The following CNOT3 variants were observed in gnomAD, a reference collection of about 807,000 sequenced individuals.
CNOT3 encodes the protein CCR4-associated factor 3.
CNOT3 carries 2 observed loss-of-function variants against 89.4 expected under a neutral mutation model. That is an observed-to-expected ratio of 0.02 (90% CI 0.01 to 0.07). CNOT3 has a LOEUF of 0.07. Ranked by LOEUF, CNOT3 falls within the 10% of genes least tolerant of loss-of-function variation. The pLI is 1.00. For missense variants in CNOT3, 664 were observed against 1,010.2 expected, an observed-to-expected ratio of 0.66 and a Z score of 4.65; for synonymous variants, 486 against 402.0, an observed-to-expected ratio of 1.21 and a Z score of -2.50.
intron 1 of CNOT3, chr19:54,142,104 C>T (rs1384802498): frequency 2.0e-5 from 3 of 152,154 alleles, no homozygotes; most frequent in African/African-American, 7.2e-5. Context: ...GGGATTCCTC[C>T]GTGAGTGCAG....
chr19:54,148,557 T>G lies in CNOT3; in HGVS notation c.1282+22T>G. The stretch of plus-strand genomic sequence containing the variant: ...ACCAGTGAGTGAGGAGGCAGCGGGG[T>G]GGGGGGCGTGGGCGGGGCTGGGCAG... On this transcript the variant is annotated intron_variant, in intron 11 of 17. Coordinates refer to ENST00000221232, the MANE Select transcript of CNOT3 (RefSeq NM_014516.4). The surrounding 1 kb of genome is among the most constrained non-coding windows in gnomAD (Gnocchi z 6.3). The G allele has an allele frequency of 7.7e-7, 1 of 1,296,490 alleles. No individual in the cohort carries two copies. Among genetic ancestry groups the G allele is most frequent in the Non-Finnish European group, 1.1e-6 (1 of 905,340 alleles). 80.3% of individuals were successfully genotyped at this position (1,296,490 alleles called of 1,614,324 possible). A position where few individuals can be genotyped will look rare whatever the true frequency, so the allele number is the denominator to read the frequency against.
chr19:54,148,297 A>G lies in CNOT3; in HGVS notation c.1044A>G (p.Ala348=), dbSNP rs587633280. 6.2e-7 allele frequency: 1 copy of G among 1,607,096 alleles called. No homozygotes were observed. Among genetic ancestry groups the G allele is most frequent in the South Asian group, 1.1e-5 (1 of 90,370 alleles). ...PGNNGVPAPA[A]PPSALGPKAS... ...ACAATGGGGTCCCCGCCCCCGCAGC[A>G]CCCCCAAGTGCCCTGGGCCCCAAGG... Residue 348 remains alanine, a synonymous_variant, in exon 11 of 18, where the codon GCA becomes GCG. Coordinates refer to ENST00000221232, the MANE Select transcript of CNOT3 (RefSeq NM_014516.4). This position sits in a 1 kb window ranked among gnomAD's most constrained non-coding sequence, Gnocchi z 6.3.
intron 13 of CNOT3, among the ~76,000 whole-genome samples, 160 bp from the exon 14 acceptor site, chr19:54,152,066 A>G (rs909198282): frequency 6.6e-6 from 1 of 152,120 alleles, no homozygotes; most frequent in Non-Finnish European, 1.5e-5. Context: ...GTTTCCCTAC[A>G]GTTTGATGCT....
In CNOT3 at chr19:54,148,300, C is replaced by T. The variant is rs771557222; in HGVS notation, c.1047C>T (p.Pro349=). 2 of 1,609,046 alleles carry T rather than the reference C, an allele frequency of 1.2e-6. No individual in the cohort carries two copies. The highest frequency in any genetic ancestry group is 4.5e-5 in the East Asian group (2 of 44,646). ...GNNGVPAPAA[P]PSALGPKASP... ...ATGGGGTCCCCGCCCCCGCAGCACC[C>T]CCAAGTGCCCTGGGCCCCAAGGCCA... The change falls in exon 11 of 18, where the codon CCC becomes CCT. Residue 349 remains proline, a synonymous_variant. Coordinates refer to ENST00000221232, the MANE Select transcript of CNOT3 (RefSeq NM_014516.4). The surrounding 1 kb of genome is among the most constrained non-coding windows in gnomAD (Gnocchi z 6.3).
rs1418589153 is a variant in CNOT3 at position 54,145,898 on chromosome 19, C to T, written c.704-12C>T. The T allele has an allele frequency of 1.2e-6, 2 of 1,613,010 alleles. No individual in the cohort carries two copies. Among genetic ancestry groups the T allele is most frequent in the Admixed American group, 3.3e-5 (2 of 59,964 alleles). ...TGAGCCAGCTAAGCATGCCCTTCTTCTGCCCCCACAGCACAGGCGCTGGTC... is the reference window on the plus strand; with the variant it reads ...TGAGCCAGCTAAGCATGCCCTTCTTTTGCCCCCACAGCACAGGCGCTGGTC... On this transcript the variant is annotated splice_polypyrimidine_tract_variant and intron_variant, in intron 8 of 17. Transcript: ENST00000221232. This position sits in a 1 kb window ranked among gnomAD's most constrained non-coding sequence, Gnocchi z 5.9.
Position 54,155,426 on chromosome 19 carries a change from C to CAGA in CNOT3, c.*19_*20insAGA. The CAGA allele has an allele frequency of 6.7e-7, 1 of 1,494,590 alleles. No individual in the cohort carries two copies. The highest frequency in any genetic ancestry group is 9.2e-7 in the Non-Finnish European group (1 of 1,089,014). 92.6% of individuals were successfully genotyped at this position (1,494,590 alleles called of 1,614,324 possible). A position where few individuals can be genotyped will look rare whatever the true frequency, so the allele number is the denominator to read the frequency against. On this transcript the variant is annotated 3_prime_UTR_variant, in exon 18 of 18. Coordinates refer to ENST00000221232, the MANE Select transcript of CNOT3 (RefSeq NM_014516.4). ...CCAGTGACACCGGCCCCTCCCTCTA[C>CAGA]CCACCCCCTTCCCCCGCATGCTGAT...
rs2074641522 is a variant in CNOT3, at chr19:54,145,834, G to C, written c.703+17G>C. The stretch of plus-strand genomic sequence containing the variant: ...AGGACATTCGTGAGGCCCTGGGGCT[G>C]ATCGTGGCACAGGAAGTGAGGGCCC... On this transcript the variant is annotated intron_variant, in intron 8 of 17. Coordinates refer to ENST00000221232, the MANE Select transcript of CNOT3 (RefSeq NM_014516.4). This position sits in a 1 kb window ranked among gnomAD's most constrained non-coding sequence, Gnocchi z 5.9. The C allele has an allele frequency of 1.2e-6, 2 of 1,608,906 alleles. No individual in the cohort carries two copies. The highest frequency in any genetic ancestry group is 2.7e-5 in the African/African-American group (2 of 74,864).
chr19:54,138,509 G>C (rs897251418), intron 1 of CNOT3, among the ~76,000 whole-genome samples: 7 of 151,910 alleles, frequency 4.6e-5, no homozygotes, highest in Non-Finnish European at 5.9e-5. Context: ...TGGCGGGGAG[G>C]GGGGGTGGTG....
At chr19:54,153,878 T>A in intron 17 of CNOT3, 38 bp downstream of exon 17, 1 of 1,613,876 alleles carries the variant, frequency 6.2e-7, no homozygotes, top group Non-Finnish European at 8.5e-7. Context: ...CTGCTAGGGT[T>A]GGGGTAGAGT....
rs1302310165 is a variant in CNOT3 at position 54,145,293 on chromosome 19, A to G, written c.484-305A>G. Among the ~76,000 whole-genome samples, 5 of 152,146 alleles carry G rather than the reference A, an allele frequency of 3.3e-5. No homozygotes were observed. Among genetic ancestry groups the G allele is most frequent in the African/African-American group, 1.2e-4 (5 of 41,428 alleles). ...AAATCTGGGCTGTCAGGTGAGGTGC[A>G]GATGGAGGCCAAGTCGTGGGATGGC... On this transcript the variant is annotated intron_variant, in intron 7 of 17. Transcript: ENST00000221232. This position sits in a 1 kb window ranked among gnomAD's most constrained non-coding sequence, Gnocchi z 5.9.
Position 54,145,449 on chromosome 19 carries a change from T to G in CNOT3, c.484-149T>G, listed in dbSNP as rs1600429979. The stretch of plus-strand genomic sequence containing the variant: ...GTCCCCACAGGGCTCAGAGGGTGGG[T>G]GGACCCCATACTGCCCCACCCCGAA... On this transcript the variant is annotated intron_variant, in intron 7 of 17. Coordinates refer to ENST00000221232, the MANE Select transcript of CNOT3 (RefSeq NM_014516.4). This position sits in a 1 kb window ranked among gnomAD's most constrained non-coding sequence, Gnocchi z 5.9. The G allele has an allele frequency of 1.6e-6, 1 of 624,410 alleles. No individual in the cohort carries two copies. Among genetic ancestry groups the G allele is most frequent in the East Asian group, 2.7e-5 (1 of 36,530 alleles). 38.7% of individuals were successfully genotyped at this position (624,410 alleles called of 1,614,324 possible).
chr19:54,145,417 A>G lies in CNOT3; in HGVS notation c.484-181A>G, dbSNP rs1462082535. ...AGTGGGATCCCAAGATGTCAAGGCTAAGATTGGTCCCCACAGGGCTCAGAG... is the reference window on the plus strand; with the variant it reads ...AGTGGGATCCCAAGATGTCAAGGCTGAGATTGGTCCCCACAGGGCTCAGAG... On this transcript the variant is annotated intron_variant, in intron 7 of 17. Coordinates refer to ENST00000221232, the MANE Select transcript of CNOT3 (RefSeq NM_014516.4). This position sits in a 1 kb window ranked among gnomAD's most constrained non-coding sequence, Gnocchi z 5.9. 1 of 603,474 alleles carries G rather than the reference A, an allele frequency of 1.7e-6. No homozygotes were observed. The highest frequency in any genetic ancestry group is 3.0e-6 in the Non-Finnish European group (1 of 337,708). 37.4% of individuals were successfully genotyped at this position (603,474 alleles called of 1,614,324 possible).
chr19:54,142,636 C>G (rs1424229673), intron 1 of CNOT3: 8 of 498,750 alleles, frequency 1.6e-5, no homozygotes, highest in African/African-American at 1.5e-4. Flanking sequence ...TGAGTGTATT[C>G]TGGGGAGAAG....
chr19:54,140,737 G>A (rs1312032123), intron 1 of CNOT3, among the ~76,000 whole-genome samples: 1 of 152,140 alleles, frequency 6.6e-6, no homozygotes, highest in Non-Finnish European at 1.5e-5. Context: ...TGTTCTGTCT[G>A]AAACATCACC....
Position 54,144,225 on chromosome 19 carries a change from T to C in CNOT3, c.388-12T>C. The C allele has an allele frequency of 6.2e-7, 1 of 1,613,624 alleles. No homozygotes were observed. On this transcript the variant is annotated splice_polypyrimidine_tract_variant and intron_variant, in intron 6 of 17. Transcript: ENST00000221232. This position sits in a 1 kb window ranked among gnomAD's most constrained non-coding sequence, Gnocchi z 4.8. The stretch of plus-strand genomic sequence containing the variant: ...CTAGCTGATGGGCTTCCTCTTCCTC[T>C]CCCTCCCCTAGAATACCATCGACAC...
chr19:54,139,816 CT>C (rs1348271822), intron 1 of CNOT3, among the ~76,000 whole-genome samples: 18 of 152,012 alleles, frequency 1.2e-4, no homozygotes, highest in African/African-American at 4.3e-4. Context: ...CTGGTGTAGA[CT>C]TTCCAAGGTG....
At chr19:54,147,350 GT>G (rs1349727002) in intron 10 of CNOT3, among the ~76,000 whole-genome samples, 2 of 152,212 alleles carry the variant, frequency 1.3e-5, no homozygotes, top group Non-Finnish European at 2.9e-5. Context: ...GAGGAGGCTG[GT>G]GTGGAGACTA....
Position 54,137,787 on chromosome 19 carries a change from C to G in CNOT3, c.-257C>G, listed in dbSNP as rs984252000. On this transcript the variant is annotated 5_prime_UTR_variant, in exon 1 of 18. Coordinates refer to ENST00000221232, the MANE Select transcript of CNOT3 (RefSeq NM_014516.4). ...ATCTTGGACCGGGCCCGGTCAGCTT[C>G]CGCGGAGCCATCGGCAGACGCCGCG... 1 of 152,112 alleles carries G rather than the reference C, an allele frequency of 6.6e-6. No homozygotes were observed. Among genetic ancestry groups the G allele is most frequent in the Non-Finnish European group, 1.5e-5 (1 of 68,016 alleles). 9.4% of individuals were successfully genotyped at this position (152,112 alleles called of 1,614,324 possible).
intron 15 of CNOT3, 89 bp from the exon 16 acceptor site, chr19:54,152,778 T>TC (rs2075195354): frequency 7.1e-6 from 6 of 846,838 alleles, no homozygotes; most frequent in Non-Finnish European, 1.2e-5. Context: ...CTGTACCACC[T>TC]CCCCCCGCAG....
Sources: allele counts gnomAD v4.1 joint callset (sites outside exome capture counted in the v4.1 genomes callset), GRCh38; gene constraint gnomAD v4.1.1; non-coding constraint Gnocchi (gnomAD v3.1); transcripts MANE v1.5; gene names NCBI Gene and HGNC (gene_info 2026-07-23, HGNC 2026-07-21).